INTU: variants seen among roughly 807,000 people sequenced by gnomAD.
The protein encoded by INTU is inturned planar cell polarity protein, also known as protein inturned.
Under a neutral mutation model 100.5 loss-of-function variants are expected in INTU, and 68 were observed. The ratio of observed to expected loss-of-function variants is 0.68; its 90% CI spans 0.56 to 0.83. INTU has a LOEUF of 0.83. Among genes scored for constraint, INTU ranks in the 40% least tolerant of loss-of-function variants. The pLI, the probability that INTU is intolerant of heterozygous loss-of-function variation, is 0.00. For synonymous variants in INTU, 357 were observed against 395.7 expected, an observed-to-expected ratio of 0.90 and a Z score of 1.16; for missense variants, 1,071 against 1,114.7, an observed-to-expected ratio of 0.96 and a Z score of 0.56.
chr4:127,650,116 A>G (rs561592674), intron 2 of INTU, among the ~76,000 whole-genome samples: 20 of 152,368 alleles, frequency 1.3e-4, no homozygotes, highest in African/African-American at 4.3e-4. Context: ...CTGTTTGTAG[A>G]CATAGATCAA....
chr4:127,643,089 C>A (rs960060170), intron 1 of INTU, among the ~76,000 whole-genome samples: 2 of 152,172 alleles, frequency 1.3e-5, no homozygotes, highest in African/African-American at 2.4e-5. Flanking sequence ...AATAGATTTT[C>A]ATGTACAATT....
intron 8 of INTU, among the ~76,000 whole-genome samples, chr4:127,695,170 G>A (rs760878185): frequency 1.3e-5 from 2 of 152,090 alleles, no homozygotes; most frequent in African/African-American, 2.4e-5. Context: ...ATCAGAGTAT[G>A]GTAGTTTTCC....
intron 2 of INTU, 79 bp from the exon 3 acceptor site, chr4:127,656,557 C>T: frequency 1.0e-6 from 1 of 956,472 alleles, no homozygotes; most frequent in Non-Finnish European, 1.7e-6. Flanking sequence ...GTCAGAGTAG[C>T]TGTTTAATGT....
At chr4:127,698,617 T>C (rs1730504736) in intron 8 of INTU, among the ~76,000 whole-genome samples, 1 of 152,202 alleles carries the variant, frequency 6.6e-6, no homozygotes, top group African/African-American at 2.4e-5. Context: ...AATGAGGTCT[T>C]ACTTTAGTTT....
chr4:127,643,708 AAGCAGTTT>A lies in INTU; in HGVS notation c.336_343del (p.Lys112AsnfsTer16). 6.2e-7 allele frequency: 1 copy of A among 1,609,358 alleles called. No individual in the cohort carries two copies. Among genetic ancestry groups the A allele is most frequent in the Non-Finnish European group, 8.5e-7 (1 of 1,178,924 alleles). On this transcript the variant is annotated frameshift_variant, in exon 2 of 16. Coordinates refer to ENST00000335251, the MANE Select transcript of INTU (RefSeq NM_015693.4). LOFTEE classifies it high-confidence loss of function. ...AAGAAAAAAGTATGAACCCAAACTC[AAGCAGTTT>A]ACCAAAATTTTAAGAAGGAAAAGAC...
intron 13 of INTU, among the ~76,000 whole-genome samples, chr4:127,709,087 T>A (rs771262449): frequency 3.7e-4 from 56 of 152,332 alleles, no homozygotes; most frequent in African/African-American, 8.2e-4. Context: ...CCTAGCCTTG[T>A]CACTCCCCTA....
intron 5 of INTU, among the ~76,000 whole-genome samples, chr4:127,671,952 G>A (rs900152477): frequency 1.3e-5 from 2 of 152,012 alleles, no homozygotes; most frequent in Admixed American, 6.6e-5. Context: ...GCTAAATAAT[G>A]TATACACATG....
rs143835317 is a variant in INTU, at chr4:127,661,850, T to C, written c.769-1531T>C. On this transcript the variant is annotated intron_variant, in intron 3 of 15. Transcript: ENST00000335251. ...AATAATAGATCTGCTTTTAGTTCTTTTAGAAGTCTTCATACTGTTTTCCAT... is the reference window on the plus strand; with the variant it reads ...AATAATAGATCTGCTTTTAGTTCTTCTAGAAGTCTTCATACTGTTTTCCAT... 6.0e-3 allele frequency among the ~76,000 whole-genome samples: 921 copies of C among 152,322 alleles called. 8 individuals carry two copies. Among genetic ancestry groups the C allele is most frequent in the African/African-American group, 0.017 (708 of 41,580 alleles).
At chr4:127,633,323 G>C in intron 1 of INTU, 143 bp downstream of exon 1, 1 of 797,110 alleles carries the variant, frequency 1.3e-6, no homozygotes. Flanking sequence ...ATTGCACCAC[G>C]TTCCATTGTA....
intron 1 of INTU, among the ~76,000 whole-genome samples, chr4:127,634,207 G>GT (rs1232650151): frequency 3.3e-5 from 5 of 152,012 alleles, no homozygotes; most frequent in Admixed American, 3.3e-4. Context: ...TTAAAATATC[G>GT]TATTTTTTTG....
intron 2 of INTU, among the ~76,000 whole-genome samples, chr4:127,653,599 A>G (rs989396787): frequency 3.1e-4 from 47 of 151,974 alleles, no homozygotes; most frequent in Admixed American, 2.6e-4. Flanking sequence ...GTTTGTTATA[A>G]TTTCTGTCCT....
chr4:127,677,172 G>A (rs1460688786), intron 6 of INTU, among the ~76,000 whole-genome samples: 2 of 152,154 alleles, frequency 1.3e-5, no homozygotes, highest in Admixed American at 1.3e-4. Flanking sequence ...CTGGGGGCAG[G>A]GCACAGACGA....
chr4:127,659,536 G>GAACAA (rs1325996960), intron 3 of INTU, among the ~76,000 whole-genome samples: 1 of 152,168 alleles, frequency 6.6e-6, no homozygotes, highest in Non-Finnish European at 1.5e-5. Context: ...TAAATAACAA[G>GAACAA]AACAAAGGTG....
intron 9 of INTU, 23 bp from the exon 10 acceptor site, chr4:127,704,205 T>C: frequency 1.3e-6 from 2 of 1,583,230 alleles, no homozygotes; most frequent in Non-Finnish European, 8.6e-7. Flanking sequence ...AAATATAAAA[T>C]CCACTATGAA....
At chr4:127,684,137 A>G (rs1209769626) in intron 6 of INTU, among the ~76,000 whole-genome samples, 1 of 152,190 alleles carries the variant, frequency 6.6e-6, no homozygotes, top group Non-Finnish European at 1.5e-5. Flanking sequence ...TACTGGCCTC[A>G]TTTTACAGAT....
In INTU at chr4:127,644,025, A is replaced by T. The variant is rs150944428; in HGVS notation, c.651A>T (p.Gly217=). ...TGGTTCATGGCCTGCTGCCAGGGGG[A>T]TCTGCTATGAAGAGCGGTCAGGTAC... ...RLVVHGLLPG[G]SAMKSGQVLI... The change falls in exon 2 of 16, where the codon GGA becomes GGT. Residue 217 remains glycine, a synonymous_variant. Transcript: ENST00000335251. 1.0e-4 allele frequency: 169 copies of T among 1,614,078 alleles called. No homozygotes were observed. Among genetic ancestry groups the T allele is most frequent in the Non-Finnish European group, 1.3e-4 (156 of 1,179,948 alleles).
At chr4:127,682,261 C>A (rs1488775735) in intron 6 of INTU, among the ~76,000 whole-genome samples, 1 of 152,064 alleles carries the variant, frequency 6.6e-6, no homozygotes, top group African/African-American at 2.4e-5. Context: ...TGGGTATATG[C>A]CCAAAGGACT....
chr4:127,658,543 G>A (rs774985844), intron 3 of INTU, among the ~76,000 whole-genome samples: 80 of 152,194 alleles, frequency 5.3e-4, no homozygotes, highest in South Asian at 1.2e-3. Flanking sequence ...TCCCCCAAGT[G>A]GAGTAGCTAT....
chr4:127,697,462 C>G lies in INTU; in HGVS notation c.1450-2548C>G, dbSNP rs1164164403. Among the ~76,000 whole-genome samples, 3 of 140,848 alleles carry G rather than the reference C, an allele frequency of 2.1e-5. No homozygotes were observed. In the South Asian group the frequency reaches 7.4e-4, roughly 35 times the overall value. 92.4% of individuals were successfully genotyped at this position (140,848 alleles called of 152,430 possible). ...AACATTTCCTCATTTACCCTCTCCC[C>G]TAACTACCCAAGCCTTTGGTAATCA... On this transcript the variant is annotated intron_variant, in intron 8 of 15. Coordinates refer to ENST00000335251, the MANE Select transcript of INTU (RefSeq NM_015693.4).
Sources: allele counts gnomAD v4.1 joint callset (sites outside exome capture counted in the v4.1 genomes callset), GRCh38; gene constraint gnomAD v4.1.1; transcripts MANE v1.5; gene names NCBI Gene and HGNC (gene_info 2026-07-23, HGNC 2026-07-21).